RBFOX1: variants seen among roughly 807,000 people sequenced by gnomAD.
The protein encoded by RBFOX1 is RNA binding fox-1 homolog 1, also known as RNA binding protein fox-1 homolog 1.
Under a neutral mutation model 57.7 loss-of-function variants are expected in RBFOX1, and 8 were observed. The ratio of observed to expected loss-of-function variants is 0.14; its 90% CI spans 0.08 to 0.25. The LOEUF is 0.25. RBFOX1 is among the 10% of genes least tolerant of loss of function. The pLI is 1.00. For synonymous variants in RBFOX1, 326 were observed against 222.4 expected (o/e 1.47, Z -4.15); for missense variants, 611 against 548.5 (o/e 1.11, Z -1.14).
At chr16:6,646,915 G>T (rs1214988708) in intron 2 of RBFOX1, among the ~76,000 whole-genome samples, 1 of 152,158 alleles carries the variant, frequency 6.6e-6, no homozygotes, top group Non-Finnish European at 1.5e-5. Context: ...GATACCGCGT[G>T]TACACATGAT....
intron 3 of RBFOX1, among the ~76,000 whole-genome samples, chr16:5,864,701 C>G (rs7195998): frequency 0.036 from 5,445 of 152,188 alleles, 351 homozygotes; most frequent in African/African-American, 0.12. Context: ...TCATAATTGA[C>G]TTGGCTTAAA....
chr16:7,473,032 C>A lies in RBFOX1; in HGVS notation c.28-45115C>A, dbSNP rs1016722074. ...CCTCACAGTCCTTATATTCAAAAAG[C>A]AGAAGAATGTCTCTGTCCAAGGGTT... On this transcript the variant is annotated intron_variant, in intron 4 of 15. Coordinates refer to ENST00000550418, the MANE Select transcript of RBFOX1 (RefSeq NM_018723.4). Among the ~76,000 whole-genome samples, 5 of 152,110 alleles carry A rather than the reference C, an allele frequency of 3.3e-5. No homozygotes were observed. In the East Asian group the frequency reaches 9.6e-4, roughly 29 times the overall value.
chr16:5,651,866 G>A (rs2049251678), intron 3 of RBFOX1, among the ~76,000 whole-genome samples: 1 of 152,152 alleles, frequency 6.6e-6, no homozygotes, highest in Admixed American at 6.5e-5. Context: ...GGGCACAGTG[G>A]CTCATGCCTG....
intron 1 of RBFOX1, among the ~76,000 whole-genome samples, chr16:6,309,531 G>A (rs1476761074): frequency 1.3e-5 from 2 of 152,164 alleles, no homozygotes; most frequent in Non-Finnish European, 2.9e-5. Flanking sequence ...CCTGACAGGA[G>A]GCTCATGCCA....
intron 2 of RBFOX1, among the ~76,000 whole-genome samples, chr16:6,595,011 T>A (rs1240241949): frequency 1.3e-5 from 2 of 152,204 alleles, no homozygotes; most frequent in African/African-American, 2.4e-5. Flanking sequence ...CTGGTCTTGG[T>A]CTTCTGAGCT....
chr16:6,561,455 G>C (rs911550343), intron 2 of RBFOX1, among the ~76,000 whole-genome samples: 9 of 152,200 alleles, frequency 5.9e-5, no homozygotes, highest in Non-Finnish European at 1.3e-4. Context: ...GGCTGTAACA[G>C]TTCTGAGGAA....
At chr16:6,060,343 A>C (rs2095669596) in intron 1 of RBFOX1, among the ~76,000 whole-genome samples, 1 of 152,064 alleles carries the variant, frequency 6.6e-6, no homozygotes, top group Non-Finnish European at 1.5e-5. Context: ...TAAGTCTTAC[A>C]GTGAGATTTA....
chr16:6,298,709 G>A (rs1395283173), intron 1 of RBFOX1, among the ~76,000 whole-genome samples: 2 of 152,174 alleles, frequency 1.3e-5, no homozygotes, highest in Non-Finnish European at 2.9e-5. Flanking sequence ...AGCAGTGTTC[G>A]AGAATGACAA....
chr16:6,198,834 T>A (rs2097197271), intron 1 of RBFOX1, among the ~76,000 whole-genome samples: 1 of 152,086 alleles, frequency 6.6e-6, no homozygotes, highest in South Asian at 2.1e-4. Context: ...AAAATGATGT[T>A]TATAGAGTAC....
chr16:7,109,828 GCA>G (rs2064322665), intron 4 of RBFOX1, among the ~76,000 whole-genome samples: 1 of 152,140 alleles, frequency 6.6e-6, no homozygotes, highest in Non-Finnish European at 1.5e-5. Flanking sequence ...GCACAGCCTT[GCA>G]CTACGTGATG....
intron 2 of RBFOX1, among the ~76,000 whole-genome samples, chr16:6,465,676 C>G (rs1005559190): frequency 6.9e-6 from 1 of 143,894 alleles, no homozygotes; most frequent in Non-Finnish European, 1.5e-5. Context: ...GAGCATGGCC[C>G]TGCATATTTG....
intron 4 of RBFOX1, among the ~76,000 whole-genome samples, chr16:5,914,906 A>T (rs1465967837): frequency 6.6e-6 from 1 of 152,042 alleles, no homozygotes. Flanking sequence ...AAAACAAAAC[A>T]AAACAAAAAC....
At chr16:6,639,238 G>T (rs921946779) in intron 2 of RBFOX1, among the ~76,000 whole-genome samples, 1 of 152,202 alleles carries the variant, frequency 6.6e-6, no homozygotes, top group Non-Finnish European at 1.5e-5. Context: ...CTGCCCATTG[G>T]ATGTCTTTCT....
At chr16:5,805,605 A>T (rs2055200111) in intron 3 of RBFOX1, among the ~76,000 whole-genome samples, 1 of 152,228 alleles carries the variant, frequency 6.6e-6, no homozygotes, top group Non-Finnish European at 1.5e-5. Flanking sequence ...GAAACAGATA[A>T]GATGCAGCAC....
At chr16:6,545,608 A>G (rs1266185065) in intron 2 of RBFOX1, among the ~76,000 whole-genome samples, 1 of 152,156 alleles carries the variant, frequency 6.6e-6, no homozygotes, top group Non-Finnish European at 1.5e-5. Context: ...TCTCCACCCC[A>G]AAGATCTCAC....
intron 2 of RBFOX1, among the ~76,000 whole-genome samples, chr16:6,535,993 C>G (rs1567594541): frequency 6.6e-6 from 1 of 152,200 alleles, no homozygotes; most frequent in Admixed American, 6.5e-5. Context: ...TCATATATAT[C>G]TATCTCTAGG....
At chr16:5,798,057 T>G (rs2054936509) in intron 3 of RBFOX1, among the ~76,000 whole-genome samples, 1 of 152,242 alleles carries the variant, frequency 6.6e-6, no homozygotes, top group Non-Finnish European at 1.5e-5. Context: ...TATTGGTTTC[T>G]GTACTTAATA....
At chr16:6,169,697 A>T (rs2096943944) in intron 1 of RBFOX1, among the ~76,000 whole-genome samples, 1 of 152,228 alleles carries the variant, frequency 6.6e-6, no homozygotes, top group South Asian at 2.1e-4. Context: ...TGTATGAGTG[A>T]TTGAGGTGCA....
chr16:5,563,940 C>G (rs1003828174), intron 2 of RBFOX1, among the ~76,000 whole-genome samples: 1 of 152,122 alleles, frequency 6.6e-6, no homozygotes, highest in East Asian at 1.9e-4. Context: ...GAGACTATGA[C>G]CTAGATGTGG....
Sources: gnomAD v4.1 joint callset for allele counts (sites outside exome capture counted in the v4.1 genomes callset) on GRCh38, gnomAD v4.1.1 for gene constraint, MANE v1.5 for transcripts, NCBI Gene and HGNC (gene_info 2026-07-23, HGNC 2026-07-21) for gene names.